The following BICDL2 variants were observed in gnomAD, a reference collection of about 807,000 sequenced individuals.
The protein encoded by BICDL2 is BICD family-like cargo adapter 2.
BICDL2 carries 62 observed loss-of-function variants against 56.6 expected under a neutral mutation model. The ratio of observed to expected loss-of-function variants is 1.10; its 90% CI spans 0.89 to 1.35. BICDL2 has a LOEUF of 1.35. BICDL2 is among the 40% of genes most tolerant of loss of function. The probability of loss-of-function intolerance (pLI) is 0.00; values close to 1 mark genes in which losing one functional copy is unlikely to be tolerated. For missense variants in BICDL2, 808 were observed against 684.5 expected (o/e 1.18, Z -2.01); for synonymous variants, 358 against 319.8 (o/e 1.12, Z -1.27).
In BICDL2 at chr16:3,036,905, G is replaced by A. The variant is rs1247333315; in HGVS notation, c.-42C>T. ...CCCCAGGCTCTCACCCGAAGCCGCCGGGCTCCCTCCGAGGTCCCCGCGGTC... is the reference window on the plus strand; with the variant it reads ...CCCCAGGCTCTCACCCGAAGCCGCCAGGCTCCCTCCGAGGTCCCCGCGGTC... On this transcript the variant is annotated 5_prime_UTR_variant, in exon 1 of 10. Coordinates refer to ENST00000572449, the MANE Select transcript of BICDL2 (RefSeq NM_001369667.1). 4 of 261,004 alleles carry A rather than the reference G, an allele frequency of 1.5e-5. No individual in the cohort carries two copies. The highest frequency in any genetic ancestry group is 6.4e-5 in the South Asian group (2 of 31,258). 16.2% of individuals were successfully genotyped at this position (261,004 alleles called of 1,614,324 possible).
At chr16:3,034,705 T>TCC (rs1567424001) in intron 2 of BICDL2, among the ~76,000 whole-genome samples, 2 of 146,838 alleles carry the variant, frequency 1.4e-5, no homozygotes, top group African/African-American at 5.1e-5. Context: ...CTTCCTTCCT[T>TCC]CCTTCCTTTT....
chr16:3,035,176 T>TTGGGGGGGGGGGGGGGGGGGGGGGGCGGG, intron 2 of BICDL2, 39 bp downstream of exon 2: 1 of 136,274 alleles, frequency 7.3e-6, no homozygotes, highest in Non-Finnish European at 1.4e-5. Context: ...CGTCCTCCCC[T>TTGGGGGGGGGGGGGGGGGGGGGGGGCGGG]GCCCACCCAC....
Position 3,027,803 on chromosome 16 carries a change from A to T in BICDL2, c.*303T>A. ...GCCAAATCGGTGGAGTGATTTATAT[A>T]TTACTCTGTCCGATCTTGATACATA... On this transcript the variant is annotated 3_prime_UTR_variant, in exon 10 of 10. Coordinates refer to ENST00000572449, the MANE Select transcript of BICDL2 (RefSeq NM_001369667.1). 1 of 942,204 alleles carries T rather than the reference A, an allele frequency of 1.1e-6. No individual in the cohort carries two copies. The allele number at this position is 942,204 out of a possible 1,614,324, so 58.4% of individuals were successfully genotyped here. A position where few individuals can be genotyped will look rare whatever the true frequency, so the allele number is the denominator to read the frequency against.
chr16:3,035,537 C>G lies in BICDL2; in HGVS notation c.-30-11G>C, dbSNP rs1955723337. On this transcript the variant is annotated splice_polypyrimidine_tract_variant and intron_variant, in intron 1 of 9. Transcript: ENST00000572449. ...TGCGGGGACAGGTGGCTGCGGGACA[C>G]TCTACTCTGCAGCCTGACAGGGGCT... The G allele has an allele frequency of 1.3e-6, 2 of 1,567,870 alleles. No homozygotes were observed. The highest frequency in any genetic ancestry group is 1.7e-6 in the Non-Finnish European group (2 of 1,159,194).
At chr16:3,035,695 C>T (rs1008096300) in intron 1 of BICDL2, 169 bp from the exon 2 acceptor site, 7 of 610,796 alleles carry the variant, frequency 1.1e-5, no homozygotes, top group Non-Finnish European at 2.0e-5. Context: ...CGTTAATGTC[C>T]CTGGGGTAAA....
Position 3,028,451 on chromosome 16 carries a change from A to AG in BICDL2, c.1255dup (p.Leu419ProfsTer85), listed in dbSNP as rs1421231612. The AG allele has an allele frequency of 6.4e-7, 1 of 1,569,406 alleles. No individual in the cohort carries two copies. The highest frequency in any genetic ancestry group is 1.1e-5 in the South Asian group (1 of 87,280). Reference sequence around the variant, plus strand: ...CTCCAGCGAGACGCGGTTGAGCTGCAGGGACAGCTCCAGGGCCCTAGGCGG... The same window carrying AG: ...CTCCAGCGAGACGCGGTTGAGCTGCAGGGGACAGCTCCAGGGCCCTAGGCGG... On this transcript the variant is annotated frameshift_variant, in exon 9 of 10. Transcript: ENST00000572449. LOFTEE classifies it high-confidence loss of function.
intron 1 of BICDL2, chr16:3,036,186 C>G (rs1197156959): frequency 1.6e-5 from 7 of 430,882 alleles, no homozygotes; most frequent in Admixed American, 8.7e-5. Context: ...GCATTCATGC[C>G]CCCACCCCTC....
Position 3,028,695 on chromosome 16 carries a change from CTTACTT to C in BICDL2, c.1237_1238+4del. On this transcript the variant is annotated splice_donor_variant and splice_donor_region_variant and coding_sequence_variant and intron_variant, in exon 8 of 10. Transcript: ENST00000572449. LOFTEE classifies it high-confidence loss of function. ...TGGGGCGGTGGTCAATGGCTTGAGGCTTACTTGTTCACGGCCTCGTCCCGGTCTGAG... is the reference window on the plus strand; with the variant it reads ...TGGGGCGGTGGTCAATGGCTTGAGGCGTTCACGGCCTCGTCCCGGTCTGAG... 1 of 1,569,758 alleles carries C rather than the reference CTTACTT, an allele frequency of 6.4e-7. No individual in the cohort carries two copies. The highest frequency in any genetic ancestry group is 1.2e-5 in the South Asian group (1 of 85,336).
At chr16:3,033,255 A>C (rs981728433) in intron 2 of BICDL2, among the ~76,000 whole-genome samples, 1 of 152,134 alleles carries the variant, frequency 6.6e-6, no homozygotes, top group Non-Finnish European at 1.5e-5. Flanking sequence ...CAGTGAGCCA[A>C]GATCGCACCA....
intron 2 of BICDL2, among the ~76,000 whole-genome samples, chr16:3,033,597 A>G (rs1433884753): frequency 1.3e-5 from 2 of 152,170 alleles, no homozygotes; most frequent in Non-Finnish European, 2.9e-5. Context: ...CCTGGGCAAC[A>G]TGGTGAGACC....
chr16:3,036,431 C>T (rs1291021819), intron 1 of BICDL2: 2 of 456,212 alleles, frequency 4.4e-6, no homozygotes, highest in Non-Finnish European at 8.8e-6. Flanking sequence ...TTTACCAGCC[C>T]CAGCCCTCCG....
intron 1 of BICDL2, 109 bp from the exon 2 acceptor site, chr16:3,035,635 G>T: frequency 1.0e-6 from 1 of 960,524 alleles, no homozygotes; most frequent in Non-Finnish European, 1.5e-6. Context: ...TGCAGCCAGG[G>T]CTTCCTGGGC....
At chr16:3,030,640 G>A (rs1301185525) in intron 4 of BICDL2, 45 bp from the exon 5 acceptor site, 1 of 1,592,624 alleles carries the variant, frequency 6.3e-7, no homozygotes, top group Admixed American at 1.7e-5. Context: ...GCCCCTCCCA[G>A]CCCTCAGCCC....
chr16:3,032,734 G>A (rs1206911161), intron 2 of BICDL2: 3 of 152,216 alleles, frequency 2.0e-5, no homozygotes, highest in Admixed American at 2.0e-4. Context: ...AGTTCCTGAG[G>A]GAACAAGCGT....
chr16:3,028,212 G>T lies in BICDL2; in HGVS notation c.1421C>A (p.Ala474Asp), dbSNP rs1955577650. Residue 474 changes from alanine (A) to aspartate (D), a missense_variant, in exon 10 of 10, where the codon GCC (alanine) becomes GAC (aspartate). Coordinates refer to ENST00000572449, the MANE Select transcript of BICDL2 (RefSeq NM_001369667.1). ...LRSQRQKELS[A>D]SASSSTPRRA... ...GCGCGGGGTCGACGACGACGCGGAGGCGCTCAGCTCCTTCTGGCGCTGTGA... is the reference window on the plus strand; with the variant it reads ...GCGCGGGGTCGACGACGACGCGGAGTCGCTCAGCTCCTTCTGGCGCTGTGA... The T allele has an allele frequency of 1.0e-5, 15 of 1,471,086 alleles. No homozygotes were observed. The highest frequency in any genetic ancestry group is 1.3e-5 in the Non-Finnish European group (15 of 1,123,508). 91.1% of individuals were successfully genotyped at this position (1,471,086 alleles called of 1,614,324 possible). A position where few individuals can be genotyped will look rare whatever the true frequency, so the allele number is the denominator to read the frequency against.
intron 2 of BICDL2, 38 bp downstream of exon 2, chr16:3,035,177 G>GCCC: frequency 1.7e-5 from 2 of 118,826 alleles, no homozygotes; most frequent in Non-Finnish European, 1.6e-5. Flanking sequence ...GTCCTCCCCT[G>GCCC]CCCACCCACC....
chr16:3,028,004 C>T lies in BICDL2; in HGVS notation c.*102G>A. Reference sequence around the variant, plus strand: ...GCCCAGCATCCTGGGGCGGGGAGGGCATCAGCTTCTTTTGGAAGACAATCT... The same window carrying T: ...GCCCAGCATCCTGGGGCGGGGAGGGTATCAGCTTCTTTTGGAAGACAATCT... On this transcript the variant is annotated 3_prime_UTR_variant, in exon 10 of 10. Transcript: ENST00000572449. 2 of 1,351,572 alleles carry T rather than the reference C, an allele frequency of 1.5e-6. No homozygotes were observed. The highest frequency in any genetic ancestry group is 3.5e-5 in the South Asian group (2 of 56,762). 83.7% of individuals were successfully genotyped at this position (1,351,572 alleles called of 1,614,324 possible).
chr16:3,035,722 A>G (rs1274105762), intron 1 of BICDL2, 196 bp from the exon 2 acceptor site: 1 of 581,510 alleles, frequency 1.7e-6, no homozygotes, highest in African/African-American at 1.9e-5. Flanking sequence ...CAGGAAGCAG[A>G]AGGAAATGAC....
intron 1 of BICDL2, chr16:3,036,554 C>G (rs781147023): frequency 4.4e-6 from 2 of 452,316 alleles, no homozygotes; most frequent in Admixed American, 2.4e-5. Flanking sequence ...CCCAGCCCAG[C>G]CGCCCCCAGG....
Sources: gnomAD v4.1 joint callset for allele counts (sites outside exome capture counted in the v4.1 genomes callset) on GRCh38, gnomAD v4.1.1 for gene constraint, MANE v1.5 for transcripts, NCBI Gene and HGNC (gene_info 2026-07-23, HGNC 2026-07-21) for gene names.